Variants in LSAMP observed in about 807,000 individuals in gnomAD.
LSAMP encodes limbic system-associated membrane protein.
In LSAMP, 7 loss-of-function variants were observed where a neutral mutation model predicts 38.6. That is an observed-to-expected ratio of 0.18 (90% CI 0.10 to 0.34). The LOEUF is 0.34. Ranked by LOEUF, LSAMP falls within the 10% of genes least tolerant of loss-of-function variation. LSAMP has a pLI of 1.00. For missense variants in LSAMP, 313 were observed against 420.0 expected (o/e 0.75, Z 2.23); for synonymous variants, 154 against 166.8 (o/e 0.92, Z 0.59).
chr3:115,925,164 C>G (rs1159134560), intron 3 of LSAMP, among the ~76,000 whole-genome samples: 1 of 152,030 alleles, frequency 6.6e-6, no homozygotes, highest in Non-Finnish European at 1.5e-5. Context: ...CAAGGGGGAG[C>G]TATTTTTGGA....
At chr3:116,142,315 C>T (rs1035222792) in intron 1 of LSAMP, among the ~76,000 whole-genome samples, 1 of 151,992 alleles carries the variant, frequency 6.6e-6, no homozygotes, top group Non-Finnish European at 1.5e-5. Context: ...CCAGGAATGA[C>T]CCACCTAGGC....
At chr3:115,859,148 A>G (rs961851217) in intron 3 of LSAMP, among the ~76,000 whole-genome samples, 2 of 151,706 alleles carry the variant, frequency 1.3e-5, no homozygotes, top group Non-Finnish European at 2.9e-5. Flanking sequence ...CACCTGAGAG[A>G]CCCCTTAGTG....
intron 1 of LSAMP, 64 bp downstream of exon 1, chr3:116,444,810 AAAC>A (rs766132534): frequency 0.023 from 19,126 of 845,072 alleles, 7 homozygotes; most frequent in East Asian, 0.045. Context: ...ACACACACAC[AAAC>A]ACACACACAC....
At chr3:116,089,646 C>T (rs964407925) in intron 1 of LSAMP, among the ~76,000 whole-genome samples, 2 of 152,108 alleles carry the variant, frequency 1.3e-5, no homozygotes, top group Non-Finnish European at 2.9e-5. Flanking sequence ...CGTGAGCCAC[C>T]GTGCCCGGCC....
rs59857062 is a variant in LSAMP, at chr3:116,444,811, A to AACACAC, written c.155+60_155+65dup. The AACACAC allele has an allele frequency of 1.6e-4, 111 of 713,850 alleles. No homozygotes were observed. The African/African-American group carries it at 2.2e-3, about 14-fold the overall frequency. The allele number at this position is 713,850 out of a possible 1,614,324, so 44.2% of individuals were successfully genotyped here. ...AGACACACACACACACACACACACA[A>AACACAC]ACACACACACACACACACACACACG... On this transcript the variant is annotated intron_variant, in intron 1 of 6. Transcript: ENST00000490035.
intron 3 of LSAMP, among the ~76,000 whole-genome samples, chr3:115,939,299 A>G (rs1321385066): frequency 6.6e-6 from 1 of 152,170 alleles, no homozygotes; most frequent in South Asian, 2.1e-4. Flanking sequence ...CTGAAGTAGA[A>G]CAAACCAAGC....
At chr3:116,366,035 A>AAAAAAAAGAAATTCTGCACAGC in intron 1 of LSAMP, among the ~76,000 whole-genome samples, 1 of 144,790 alleles carries the variant, frequency 6.9e-6, no homozygotes, top group East Asian at 2.0e-4. Flanking sequence ...AAAAAAAAAA[A>AAAAAAAAGAAATTCTGCACAGC]AAAAGAACTT....
chr3:116,164,328 T>C (rs775737048), intron 1 of LSAMP, among the ~76,000 whole-genome samples: 1 of 151,836 alleles, frequency 6.6e-6, no homozygotes, highest in African/African-American at 2.4e-5. Flanking sequence ...GAGGCAATCA[T>C]TCTTCCTTTT....
At chr3:116,352,548 C>G (rs1307949884) in intron 1 of LSAMP, among the ~76,000 whole-genome samples, 3 of 152,006 alleles carry the variant, frequency 2.0e-5, no homozygotes, top group Non-Finnish European at 2.9e-5. Context: ...AAATAAATCT[C>G]CTTTGAAGTT....
intron 1 of LSAMP, among the ~76,000 whole-genome samples, chr3:116,133,659 A>G (rs1709183842): frequency 6.6e-6 from 1 of 152,192 alleles, no homozygotes; most frequent in Non-Finnish European, 1.5e-5. Flanking sequence ...AATTATTTCA[A>G]CATCTATTTT....
chr3:116,029,603 G>C (rs1459495303), intron 2 of LSAMP, among the ~76,000 whole-genome samples: 1 of 152,142 alleles, frequency 6.6e-6, no homozygotes, highest in Non-Finnish European at 1.5e-5. Flanking sequence ...TACCGTGTGT[G>C]TTAATGTAGT....
chr3:115,846,332 C>T (rs1169447798), intron 4 of LSAMP, among the ~76,000 whole-genome samples: 1 of 152,098 alleles, frequency 6.6e-6, no homozygotes, highest in Non-Finnish European at 1.5e-5. Context: ...CTTTCTTCTT[C>T]TGACATCACC....
At chr3:115,962,236 G>A (rs1938651196) in intron 3 of LSAMP, among the ~76,000 whole-genome samples, 1 of 152,196 alleles carries the variant, frequency 6.6e-6, no homozygotes, top group South Asian at 2.1e-4. Context: ...CCTGCATGCT[G>A]GCTGTCACTG....
intron 1 of LSAMP, among the ~76,000 whole-genome samples, chr3:116,216,371 G>A (rs988361318): frequency 1.3e-5 from 2 of 152,160 alleles, no homozygotes; most frequent in East Asian, 1.9e-4. Flanking sequence ...GGTATGCTCT[G>A]ATAAGGACAG....
At chr3:116,020,753 T>C (rs1576312679) in intron 2 of LSAMP, among the ~76,000 whole-genome samples, 1 of 152,322 alleles carries the variant, frequency 6.6e-6, no homozygotes, top group Middle Eastern at 3.4e-3. Context: ...ATGCACTGAT[T>C]ACAAATAGCA....
At chr3:116,183,389 T>G (rs1710534406) in intron 1 of LSAMP, among the ~76,000 whole-genome samples, 1 of 151,740 alleles carries the variant, frequency 6.6e-6, no homozygotes, top group African/African-American at 2.4e-5. Flanking sequence ...CTTGAAAAGG[T>G]TTTTAACTTG....
chr3:116,094,215 TAAA>T (rs1294477283), intron 1 of LSAMP, among the ~76,000 whole-genome samples: 1 of 152,126 alleles, frequency 6.6e-6, no homozygotes, highest in Non-Finnish European at 1.5e-5. Flanking sequence ...CAATTAGAAA[TAAA>T]AAAAGAACTG....
intron 1 of LSAMP, among the ~76,000 whole-genome samples, chr3:116,144,983 A>G (rs1709457205): frequency 6.6e-6 from 1 of 151,872 alleles, no homozygotes; most frequent in Admixed American, 6.6e-5. Flanking sequence ...TCTGGTCTAT[A>G]TTGTTGCTGA....
chr3:115,974,338 C>T (rs893756686), intron 3 of LSAMP, among the ~76,000 whole-genome samples: 1 of 151,820 alleles, frequency 6.6e-6, no homozygotes, highest in African/African-American at 2.4e-5. Context: ...AGCTACACTT[C>T]ATCTCAAAAA....
Sources: gnomAD v4.1 joint callset for allele counts (sites outside exome capture counted in the v4.1 genomes callset) on GRCh38, gnomAD v4.1.1 for gene constraint, MANE v1.5 for transcripts, NCBI Gene and HGNC (gene_info 2026-07-23, HGNC 2026-07-21) for gene names.